The following EFNA5 variants were observed in gnomAD, a reference collection of about 807,000 sequenced individuals.
EFNA5 encodes the protein ephrin A5.
EFNA5 carries 5 observed loss-of-function variants against 22.9 expected under a neutral mutation model. The ratio of observed to expected loss-of-function variants is 0.22; its 90% CI spans 0.11 to 0.46. The LOEUF (loss-of-function observed/expected upper bound fraction) is 0.46. Ranked by LOEUF, EFNA5 falls within the 20% of genes least tolerant of loss-of-function variation. The probability of loss-of-function intolerance (pLI) is 0.99; values close to 1 mark genes in which losing one functional copy is unlikely to be tolerated. For missense variants in EFNA5, 237 were observed against 293.3 expected, an observed-to-expected ratio of 0.81 and a Z score of 1.40; for synonymous variants, 113 against 112.2, an observed-to-expected ratio of 1.01 and a Z score of -0.04.
chr5:107,387,373 C>A lies in EFNA5; in HGVS notation c.485-58G>T. On this transcript the variant is annotated intron_variant, in intron 3 of 4. Transcript: ENST00000333274. ...GTTAGTGAAGACACCCTTAAACTCC[C>A]ATTTCTTTCTTTTTTCTTTCTCTCC... The A allele has an allele frequency of 5.3e-6, 6 of 1,142,840 alleles. No homozygotes were observed. The South Asian group carries it at 5.8e-5, about 11-fold the overall frequency. 70.8% of individuals were successfully genotyped at this position (1,142,840 alleles called of 1,614,324 possible).
intron 2 of EFNA5, among the ~76,000 whole-genome samples, chr5:107,391,935 CT>C (rs1278349155): frequency 6.6e-6 from 1 of 152,214 alleles, no homozygotes; most frequent in Non-Finnish European, 1.5e-5. Context: ...GGGGCTCTAA[CT>C]TGAGCCTTCC....
chr5:107,620,953 T>C (rs1207206669), intron 1 of EFNA5, among the ~76,000 whole-genome samples: 2 of 151,982 alleles, frequency 1.3e-5, no homozygotes, highest in East Asian at 3.9e-4. Context: ...GATCATCACG[T>C]GTAAGAGAGT....
In EFNA5 at chr5:107,378,703, G is replaced by C. The variant is rs530813194; in HGVS notation, c.*2552C>G. On this transcript the variant is annotated 3_prime_UTR_variant, in exon 5 of 5. Coordinates refer to ENST00000333274, the MANE Select transcript of EFNA5 (RefSeq NM_001962.3). ...CAGTGGCAGAATGGTGAAGTAAAGG[G>C]GTCTAATTTCACTGTGAAAAAATGA... 1.6e-4 allele frequency: 25 copies of C among 152,222 alleles called. No individual in the cohort carries two copies. In the East Asian group the frequency reaches 4.8e-3, roughly 29 times the overall value. The allele number at this position is 152,222 out of a possible 1,614,324, so 9.4% of individuals were successfully genotyped here.
chr5:107,617,763 T>C (rs1000465370), intron 1 of EFNA5, among the ~76,000 whole-genome samples: 2 of 151,830 alleles, frequency 1.3e-5, no homozygotes, highest in African/African-American at 2.4e-5. Context: ...GCGGCTAGAG[T>C]GAAATTCAAA....
At chr5:107,463,390 G>A (rs1253148460) in intron 1 of EFNA5, among the ~76,000 whole-genome samples, 1 of 151,930 alleles carries the variant, frequency 6.6e-6, no homozygotes, top group Non-Finnish European at 1.5e-5. Flanking sequence ...ATATATTTCT[G>A]ATTTTCCTCA....
At chr5:107,641,511 A>T (rs563001819) in intron 1 of EFNA5, among the ~76,000 whole-genome samples, 7 of 152,348 alleles carry the variant, frequency 4.6e-5, no homozygotes, top group African/African-American at 1.4e-4. Flanking sequence ...GCACAAGAGC[A>T]TGGTAGGCTG....
At chr5:107,609,620 G>A (rs919183024) in intron 1 of EFNA5, among the ~76,000 whole-genome samples, 1 of 152,180 alleles carries the variant, frequency 6.6e-6, no homozygotes, top group East Asian at 1.9e-4. Context: ...CACCACCAAA[G>A]TCGCCTCACC....
chr5:107,601,889 TC>T (rs1305667770), intron 1 of EFNA5, among the ~76,000 whole-genome samples: 1 of 152,200 alleles, frequency 6.6e-6, no homozygotes, highest in Admixed American at 6.5e-5. Context: ...GCCACAATAT[TC>T]ACTAAAGAAG....
At chr5:107,519,757 A>G (rs1472268046) in intron 1 of EFNA5, among the ~76,000 whole-genome samples, 1 of 152,232 alleles carries the variant, frequency 6.6e-6, no homozygotes, top group East Asian at 1.9e-4. Context: ...AAGTGAATTT[A>G]TTTGAATATT....
chr5:107,571,753 G>C (rs1748812292), intron 1 of EFNA5, among the ~76,000 whole-genome samples: 2 of 152,118 alleles, frequency 1.3e-5, no homozygotes, highest in Admixed American at 1.3e-4. Flanking sequence ...ACCCTGACGA[G>C]AGAAAACAAA....
At position 107,567,422 on chromosome 5, in the gene EFNA5, T is replaced by C. The variant is rs187151538; in HGVS notation, c.125+103067A>G. 3.6e-4 allele frequency among the ~76,000 whole-genome samples: 55 copies of C among 152,330 alleles called. 1 individual carries two copies. The highest frequency in any genetic ancestry group is 3.4e-3 in the Middle Eastern group (1 of 294). On this transcript the variant is annotated intron_variant, in intron 1 of 4. Coordinates refer to ENST00000333274, the MANE Select transcript of EFNA5 (RefSeq NM_001962.3). Reference sequence around the variant, plus strand: ...AATGACCTTGGGCTTACCCTTGTACTAGAGGCAGAATGTGTGTGGGCACAT... The same window carrying C: ...AATGACCTTGGGCTTACCCTTGTACCAGAGGCAGAATGTGTGTGGGCACAT...
chr5:107,641,833 C>T (rs1259059635), intron 1 of EFNA5, among the ~76,000 whole-genome samples: 4 of 152,108 alleles, frequency 2.6e-5, no homozygotes, highest in Admixed American at 1.3e-4. Context: ...TTTATACCAA[C>T]AGGAGGCCCA....
intron 1 of EFNA5, among the ~76,000 whole-genome samples, chr5:107,555,859 C>G (rs1357967770): frequency 6.6e-6 from 1 of 152,204 alleles, no homozygotes; most frequent in Non-Finnish European, 1.5e-5. Flanking sequence ...GCTGAAAAAG[C>G]AGGATGAGCT....
At chr5:107,641,793 A>C (rs1426468543) in intron 1 of EFNA5, among the ~76,000 whole-genome samples, 1 of 152,226 alleles carries the variant, frequency 6.6e-6, no homozygotes, top group Non-Finnish European at 1.5e-5. Context: ...CACAAAAATT[A>C]GCCTTAATCT....
intron 1 of EFNA5, among the ~76,000 whole-genome samples, chr5:107,515,357 TTTATTTTA>T (rs1308581276): frequency 8.1e-6 from 1 of 123,110 alleles, no homozygotes; most frequent in Non-Finnish European, 1.7e-5. Context: ...GTTTTTATTT[TTTATTTTA>T]TTATTATTAT....
chr5:107,390,323 C>T (rs1747751598), intron 2 of EFNA5, among the ~76,000 whole-genome samples: 1 of 152,120 alleles, frequency 6.6e-6, no homozygotes, highest in African/African-American at 2.4e-5. Flanking sequence ...ATGTAGGATG[C>T]CTTTATACCA....
In EFNA5 at chr5:107,513,359, A is replaced by G. The variant is rs572984932; in HGVS notation, c.126-85850T>C. Among the ~76,000 whole-genome samples, 23 of 152,274 alleles carry G rather than the reference A, an allele frequency of 1.5e-4. 1 individual carries two copies. The highest frequency in any genetic ancestry group is 5.1e-4 in the African/African-American group (21 of 41,560). On this transcript the variant is annotated intron_variant, in intron 1 of 4. Coordinates refer to ENST00000333274, the MANE Select transcript of EFNA5 (RefSeq NM_001962.3). Reference sequence around the variant, plus strand: ...CAATTAATAATAAAATGTGATGAGCATGTTGATTCTGTGGGTTTTGTTTCC... The same window carrying G: ...CAATTAATAATAAAATGTGATGAGCGTGTTGATTCTGTGGGTTTTGTTTCC...
intron 1 of EFNA5, among the ~76,000 whole-genome samples, chr5:107,459,376 G>GGAA (rs534856748): frequency 5.4e-5 from 6 of 110,190 alleles, no homozygotes; most frequent in African/African-American, 1.6e-4. Flanking sequence ...TGGAACACAT[G>GGAA]AAAAAAAAAA....
intron 1 of EFNA5, among the ~76,000 whole-genome samples, chr5:107,561,919 A>G (rs1401882008): frequency 6.6e-6 from 1 of 152,184 alleles, no homozygotes; most frequent in East Asian, 1.9e-4. Flanking sequence ...AAATATATAC[A>G]GGCCAGGACA....
Sources: gnomAD v4.1 joint callset for allele counts (sites outside exome capture counted in the v4.1 genomes callset) on GRCh38, gnomAD v4.1.1 for gene constraint, MANE v1.5 for transcripts, NCBI Gene and HGNC (gene_info 2026-07-23, HGNC 2026-07-21) for gene names.